Variants in MYH9 observed in about 807,000 individuals in gnomAD.
MYH9 encodes myosin-9.
Under a neutral mutation model 241.9 loss-of-function variants are expected in MYH9, and 29 were observed. The observed-to-expected ratio is 0.12, with a 90% CI of 0.09 to 0.16. The LOEUF is 0.16. Among genes scored for constraint, MYH9 ranks in the 10% least tolerant of loss-of-function variants. The pLI is 1.00. For synonymous variants in MYH9, 1,047 were observed against 1,062.6 expected, an observed-to-expected ratio of 0.99 and a Z score of 0.29; for missense variants, 1,803 against 2,595.5, an observed-to-expected ratio of 0.69 and a Z score of 6.63.
At chr22:36,360,092 T>G in intron 1 of MYH9, among the ~76,000 whole-genome samples, 1 of 102,942 alleles carries the variant, frequency 9.7e-6, no homozygotes, top group South Asian at 2.7e-4. Flanking sequence ...TCAGAAGAGT[T>G]GTAGCTCAAG....
rs777347688 is a variant in MYH9, at chr22:36,316,578, G to C, written c.1319C>G (p.Thr440Ser). Reference sequence around the variant, plus strand: ...GATGAAGGAGGCGCCCTGCCTCTTGGTCTTGTCCAGAGCCTTGTTGATGCG... The same window carrying C: ...GATGAAGGAGGCGCCCTGCCTCTTGCTCTTGTCCAGAGCCTTGTTGATGCG... Reference protein sequence around the residue: ...VLRINKALDKTKRQGASFIGI... With the variant: ...VLRINKALDKSKRQGASFIGI... Residue 440 changes from threonine (T) to serine (S), a missense_variant, in exon 12 of 41, where the codon ACC becomes AGC. Coordinates refer to ENST00000216181, the MANE Select transcript of MYH9 (RefSeq NM_002473.6). 3 of 1,614,146 alleles carry C rather than the reference G, an allele frequency of 1.9e-6. No individual in the cohort carries two copies. In the South Asian group the frequency reaches 3.3e-5, roughly 18 times the overall value.
intron 3 of MYH9, among the ~76,000 whole-genome samples, chr22:36,339,247 A>G (rs1408498773): frequency 6.6e-6 from 1 of 152,184 alleles, no homozygotes. Flanking sequence ...TTGCTAGATA[A>G]CCATCCCAAT....
chr22:36,306,732 AC>A lies in MYH9; in HGVS notation c.1844-126del. The A allele has an allele frequency of 1.0e-6, 1 of 1,004,074 alleles. No homozygotes were observed. The highest frequency in any genetic ancestry group is 2.0e-5 in the Admixed American group (1 of 50,104). 62.2% of individuals were successfully genotyped at this position (1,004,074 alleles called of 1,614,324 possible). On this transcript the variant is annotated intron_variant, in intron 15 of 40. Coordinates refer to ENST00000216181, the MANE Select transcript of MYH9 (RefSeq NM_002473.6). This position sits in a 1 kb window ranked among gnomAD's most constrained non-coding sequence, Gnocchi z 4.1. ...AGAGGAGACAGAATGAAACAACAGG[AC>A]CCTTTCCAATTGGAGCCTACACTGG...
intron 1 of MYH9, among the ~76,000 whole-genome samples, chr22:36,382,629 C>G (rs2018277123): frequency 6.6e-6 from 1 of 151,950 alleles, no homozygotes; most frequent in South Asian, 2.1e-4. Context: ...GTGGTGAAAC[C>G]CCATCTCTAC....
chr22:36,325,709 G>A (rs962244910), intron 5 of MYH9, among the ~76,000 whole-genome samples: 3 of 152,224 alleles, frequency 2.0e-5, no homozygotes, highest in Admixed American at 6.5e-5. Context: ...GTCAGGTTCC[G>A]CATGGGACAT....
In MYH9 at chr22:36,341,538, A is replaced by C. The variant is rs552692187; in HGVS notation, c.334-12T>G. On this transcript the variant is annotated splice_polypyrimidine_tract_variant and intron_variant, in intron 2 of 40. Transcript: ENST00000216181. ...AGGCCTGAATAGGTCTAAAGAAAAGAGCGGCAGATAGGAACAGGTTAGGAA... is the reference window on the plus strand; with the variant it reads ...AGGCCTGAATAGGTCTAAAGAAAAGCGCGGCAGATAGGAACAGGTTAGGAA... The C allele has an allele frequency of 6.2e-7, 1 of 1,613,456 alleles. No homozygotes were observed. The highest frequency in any genetic ancestry group is 1.1e-5 in the South Asian group (1 of 91,084).
At chr22:36,344,891 T>C (rs757572032) in intron 2 of MYH9, among the ~76,000 whole-genome samples, 1 of 152,136 alleles carries the variant, frequency 6.6e-6, no homozygotes, top group Non-Finnish European at 1.5e-5. Flanking sequence ...GAGACTCAAG[T>C]TAAAAAGGCA....
intron 34 of MYH9, among the ~76,000 whole-genome samples, chr22:36,287,120 C>T (rs2016598835): frequency 6.6e-6 from 1 of 152,204 alleles, no homozygotes; most frequent in African/African-American, 2.4e-5. Flanking sequence ...GGGCCGGAAG[C>T]CAGTGCCCAT....
chr22:36,285,905 C>G lies in MYH9; in HGVS notation c.5110G>C (p.Asp1704His), dbSNP rs2146328803. ...RAKRQAQQER[D>H]ELADEIANSS... ...TTGGCGATCTCGTCAGCCAGCTCAT[C>G]CCGCTCCTGCTGGGCCTGGCGCTTG... The change falls in exon 36 of 41, where the codon GAT (aspartate) becomes CAT (histidine). Residue 1704 changes from aspartate to histidine, a missense_variant. Physicochemically the swap from Asp to His is moderately conservative, Grantham distance 81. Around this residue, in one of 11 missense-constraint regions of MYH9, gnomAD observed 876 missense variants for 1,077.8 expected, o/e 0.81. Transcript: ENST00000216181. This position sits in a 1 kb window ranked among gnomAD's most constrained non-coding sequence, Gnocchi z 7.0. 6.2e-7 allele frequency: 1 copy of G among 1,613,230 alleles called. No homozygotes were observed. The highest frequency in any genetic ancestry group is 8.5e-7 in the Non-Finnish European group (1 of 1,179,996).
chr22:36,334,416 G>C (rs2017466910), intron 3 of MYH9, among the ~76,000 whole-genome samples: 2 of 152,210 alleles, frequency 1.3e-5, no homozygotes, highest in African/African-American at 2.4e-5. Flanking sequence ...ACCAACTCTG[G>C]ATCAAGCACA....
chr22:36,352,556 C>T (rs565915979), intron 1 of MYH9, among the ~76,000 whole-genome samples: 4 of 152,224 alleles, frequency 2.6e-5, no homozygotes, highest in African/African-American at 7.2e-5. Context: ...TGGAGGGTCA[C>T]AAACATCACA....
At chr22:36,296,794 A>G (rs1421893169) in intron 25 of MYH9, 49 bp downstream of exon 25, 1 of 1,549,930 alleles carries the variant, frequency 6.5e-7, no homozygotes, top group African/African-American at 1.4e-5. Context: ...GCAAGCAGGA[A>G]GGGCTGGCCC....
chr22:36,378,691 C>G (rs563867340), intron 1 of MYH9, among the ~76,000 whole-genome samples: 1 of 152,216 alleles, frequency 6.6e-6, no homozygotes, highest in South Asian at 2.1e-4. Flanking sequence ...CAAAACACTT[C>G]CCACCCCATT....
At chr22:36,322,025 A>G (rs1474579947) in intron 6 of MYH9, 2 of 622,238 alleles carry the variant, frequency 3.2e-6, no homozygotes, top group African/African-American at 3.7e-5. Flanking sequence ...CACACTGCCT[A>G]AGGCCATGAG....
intron 20 of MYH9, 63 bp from the exon 21 acceptor site, chr22:36,301,728 T>C: frequency 6.3e-7 from 1 of 1,598,020 alleles, no homozygotes; most frequent in South Asian, 1.1e-5. Context: ...TGCCAACAGG[T>C]GTGAGGCCTC....
intron 1 of MYH9, among the ~76,000 whole-genome samples, chr22:36,350,034 G>A (rs739097): frequency 0.58 from 88,550 of 151,972 alleles, 26,559 homozygotes; most frequent in African/African-American, 0.63. Context: ...TAAAACATCA[G>A]TACATGTTGC....
chr22:36,299,909 A>C (rs1399317288), intron 23 of MYH9, among the ~76,000 whole-genome samples: 1 of 152,168 alleles, frequency 6.6e-6, no homozygotes, highest in Non-Finnish European at 1.5e-5. Flanking sequence ...AGGGGAAAGG[A>C]CAAACCCTTC....
rs933924282 is a variant in MYH9 at position 36,298,859 on chromosome 22, T to C, written c.3100+60A>G. 1.9e-6 allele frequency: 3 copies of C among 1,605,886 alleles called. No individual in the cohort carries two copies. The East Asian group carries it at 6.7e-5, about 36-fold the overall frequency. On this transcript the variant is annotated intron_variant, in intron 24 of 40. Transcript: ENST00000216181. The stretch of plus-strand genomic sequence containing the variant: ...TGTTCCGGTCAGACAGGCCGGCCCC[T>C]GACCGCCAGCCCTTGCCCGCCAGCC...
chr22:36,303,239 G>A lies in MYH9; in HGVS notation c.2391-563C>T, dbSNP rs552269933. Among the ~76,000 whole-genome samples, 9 of 152,076 alleles carry A rather than the reference G, an allele frequency of 5.9e-5. No individual in the cohort carries two copies. In the South Asian group the frequency reaches 8.3e-4, roughly 14 times the overall value. ...ACCCCATCCCCGAGCACAAGGGGAC[G>A]AGTGTGCAGTGCCCACAGCCGCTGT... On this transcript the variant is annotated intron_variant, in intron 19 of 40. Transcript: ENST00000216181.
Sources: allele counts gnomAD v4.1 joint callset (sites outside exome capture counted in the v4.1 genomes callset), GRCh38; gene constraint gnomAD v4.1.1; regional missense constraint gnomAD v4.1.1; non-coding constraint Gnocchi (gnomAD v3.1); transcripts MANE v1.5; gene names NCBI Gene and HGNC (gene_info 2026-07-23, HGNC 2026-07-21).